DACH2: variants seen among roughly 807,000 people sequenced by gnomAD.
DACH2 encodes dachshund homolog 2.
DACH2 carries 17 observed loss-of-function variants against 35.8 expected under a neutral mutation model. The observed-to-expected ratio is 0.48, with a 90% confidence interval of 0.33 to 0.71. The LOEUF (loss-of-function observed/expected upper bound fraction) is 0.71, where lower values mean the gene tolerates loss of function less well. Among genes scored for constraint, DACH2 ranks in the 30% least tolerant of loss-of-function variants. DACH2 has a pLI of 0.02. For missense variants in DACH2, 469 were observed against 472.7 expected (o/e 0.99, Z 0.07); for synonymous variants, 195 against 177.3 (o/e 1.10, Z -0.79).
chrX:86,324,719 C>A (rs1384184575), intron 1 of DACH2, among the ~76,000 whole-genome samples: 2 of 97 alleles, frequency 0.021, no homozygotes, highest in Non-Finnish European at 0.028. Context: ...GCTGGGACTA[C>A]AGGCGCCCGC....
chrX:86,679,126 AC>A (rs2040851495), intron 4 of DACH2, among the ~76,000 whole-genome samples: 1 of 64,030 alleles, frequency 1.6e-5, no homozygotes, highest in Non-Finnish European at 3.0e-5. Flanking sequence ...AATTTTTTAT[AC>A]TTACTTTATA....
At chrX:86,232,839 G>A (rs1055345492) in intron 1 of DACH2, among the ~76,000 whole-genome samples, 1 of 111,928 alleles carries the variant, frequency 8.9e-6, no homozygotes, top group Non-Finnish European at 1.9e-5. Flanking sequence ...TCTCATTACT[G>A]GATGTATGCC....
intron 1 of DACH2, among the ~76,000 whole-genome samples, chrX:86,257,447 C>T (rs375280771): frequency 1.0e-4 from 11 of 105,898 alleles, no homozygotes; most frequent in Non-Finnish European, 1.2e-4. Flanking sequence ...GAACCAATTT[C>T]TTTTTTTTTT....
intron 5 of DACH2, among the ~76,000 whole-genome samples, chrX:86,702,118 G>A (rs1175434352): frequency 9.0e-6 from 1 of 111,581 alleles, no homozygotes; most frequent in Non-Finnish European, 1.9e-5. Flanking sequence ...ACTGCCAAAG[G>A]AACCCTCAAC....
intron 1 of DACH2, among the ~76,000 whole-genome samples, chrX:86,245,583 T>C (rs2033263696): frequency 3.6e-5 from 4 of 111,806 alleles, no homozygotes; most frequent in Non-Finnish European, 7.5e-5. Context: ...TTTGGTCCCC[T>C]GAAACCAGCC....
intron 2 of DACH2, among the ~76,000 whole-genome samples, chrX:86,387,384 C>G (rs1186400356): frequency 9.0e-6 from 1 of 111,331 alleles, no homozygotes; most frequent in Non-Finnish European, 1.9e-5. Context: ...GCTTTTTGTT[C>G]TGGAAACTAG....
intron 3 of DACH2, among the ~76,000 whole-genome samples, chrX:86,577,846 G>T (rs1411346675): frequency 9.0e-6 from 1 of 111,690 alleles, no homozygotes; most frequent in African/African-American, 3.3e-5. Context: ...CTTTCGGATT[G>T]TTGAATATGT....
At chrX:86,164,977 G>A (rs941287948) in intron 1 of DACH2, among the ~76,000 whole-genome samples, 5 of 110,607 alleles carry the variant, frequency 4.5e-5, no homozygotes, top group Admixed American at 9.6e-5. Flanking sequence ...TGTGAAGAAC[G>A]TCATTGGTAG....
At chrX:86,172,400 A>G (rs1446237217) in intron 1 of DACH2, among the ~76,000 whole-genome samples, 2 of 112,176 alleles carry the variant, frequency 1.8e-5, no homozygotes, top group Non-Finnish European at 3.8e-5. Flanking sequence ...TCTAGGAAGT[A>G]ATAGTATCTC....
intron 2 of DACH2, among the ~76,000 whole-genome samples, chrX:86,497,047 G>A (rs1183195019): frequency 8.9e-6 from 1 of 112,151 alleles, no homozygotes; most frequent in African/African-American, 3.2e-5. Flanking sequence ...TTCAGAAAAT[G>A]TTACAAGGGG....
intron 2 of DACH2, among the ~76,000 whole-genome samples, chrX:86,475,589 T>C (rs1302661912): frequency 8.9e-6 from 1 of 112,167 alleles, no homozygotes; most frequent in Admixed American, 9.5e-5. Context: ...TTTGGTGGAC[T>C]CTTTAGGTTT....
intron 3 of DACH2, among the ~76,000 whole-genome samples, chrX:86,606,874 T>G (rs1269386253): frequency 1.8e-5 from 2 of 111,824 alleles, no homozygotes; most frequent in African/African-American, 6.5e-5. Context: ...ACCTGGGTGT[T>G]CTGTTGTTGG....
At chrX:86,603,963 C>A (rs1291955050) in intron 3 of DACH2, among the ~76,000 whole-genome samples, 1 of 110,826 alleles carries the variant, frequency 9.0e-6, no homozygotes, top group African/African-American at 3.3e-5. Context: ...AGATATTTTT[C>A]TCTTATCAGT....
intron 3 of DACH2, among the ~76,000 whole-genome samples, chrX:86,612,279 A>G (rs2039955383): frequency 9.3e-6 from 1 of 107,072 alleles, no homozygotes; most frequent in African/African-American, 3.4e-5. Context: ...CTTCAAGCAG[A>G]AGGATGGTAC....
chrX:86,590,248 G>C (rs1408124040), intron 3 of DACH2, among the ~76,000 whole-genome samples: 3 of 111,931 alleles, frequency 2.7e-5, no homozygotes, highest in African/African-American at 9.7e-5. Flanking sequence ...GAGGCAATTT[G>C]AGAACAGGAA....
chrX:86,148,799 G>A lies in DACH2; in HGVS notation c.179G>A (p.Arg60Lys). ...AGCAACAGTGCCGGAGGCGGCGGCAGGGGCAACACCAACACCAACGAGTGC... is the reference window on the plus strand; with the variant it reads ...AGCAACAGTGCCGGAGGCGGCGGCAAGGGCAACACCAACACCAACGAGTGC... The part of the protein sequence containing the change: ...NHSNSAGGGG[R>K]GNTNTNECRM... Residue 60 changes from arginine to lysine, a missense_variant, in exon 1 of 12, where the codon AGG becomes AAG. Around this residue, in one of 3 missense-constraint regions of DACH2, gnomAD observed 99 missense variants for 114.3 expected, o/e 0.87. Coordinates refer to ENST00000373125, the MANE Select transcript of DACH2 (RefSeq NM_053281.3). 8.3e-7 allele frequency: 1 copy of A among 1,211,846 alleles called. No homozygotes were observed. The highest frequency in any genetic ancestry group is 1.1e-6 in the Non-Finnish European group (1 of 895,581).
chrX:86,315,840 C>CAGAGAGAGAGAGAG (rs1166125637), intron 1 of DACH2, among the ~76,000 whole-genome samples: 5 of 77,861 alleles, frequency 6.4e-5, no homozygotes, highest in African/African-American at 2.6e-4. Flanking sequence ...CACACACACA[C>CAGAGAGAGAGAGAG]AGAGAGAGAG....
In DACH2 at chrX:86,714,732, G is replaced by A. The variant is rs1450836132; in HGVS notation, c.1104+12G>A. The A allele has an allele frequency of 3.5e-6, 4 of 1,142,315 alleles. No homozygotes were observed. The highest frequency in any genetic ancestry group is 4.7e-6 in the Non-Finnish European group (4 of 851,822). 94.1% of individuals were successfully genotyped at this position (1,142,315 alleles called of 1,213,427 possible). On this transcript the variant is annotated intron_variant, in intron 6 of 11. Coordinates refer to ENST00000373125, the MANE Select transcript of DACH2 (RefSeq NM_053281.3). ...CCTCTGTTATAAAGGTAAGAATCGTGATTTAGAAAAGGACAAAGGTGTCAA... is the reference window on the plus strand; with the variant it reads ...CCTCTGTTATAAAGGTAAGAATCGTAATTTAGAAAAGGACAAAGGTGTCAA...
In DACH2 at chrX:86,710,566, CTATT is replaced by C. The variant is rs764955266; in HGVS notation, c.932-3976_932-3973del. On this transcript the variant is annotated intron_variant, in intron 5 of 11. Coordinates refer to ENST00000373125, the MANE Select transcript of DACH2 (RefSeq NM_053281.3). ...AATCTAAGACTGCTCTAAAACTAGT[CTATT>C]TATTTTTTTAAAGGAAGGGGTATTT... Among the ~76,000 whole-genome samples the C allele has an allele frequency of 2.5e-4, 28 of 111,580 alleles. No individual in the cohort carries two copies. In the South Asian group the frequency reaches 0.01, roughly 40 times the overall value.
Sources: allele counts gnomAD v4.1 joint callset (sites outside exome capture counted in the v4.1 genomes callset), GRCh38; gene constraint gnomAD v4.1.1; regional missense constraint gnomAD v4.1.1; transcripts MANE v1.5; gene names NCBI Gene and HGNC (gene_info 2026-07-23, HGNC 2026-07-21).